The following ACOT7 variants were observed in gnomAD, a reference collection of about 807,000 sequenced individuals.
ACOT7 encodes acyl-CoA thioesterase 7.
A neutral mutation model predicts 40.2 loss-of-function variants in ACOT7; 12 were observed. That is an observed-to-expected ratio of 0.30 (90% confidence interval 0.19 to 0.48). ACOT7 has a LOEUF of 0.48. Among genes scored for constraint, ACOT7 ranks in the 20% least tolerant of loss-of-function variants. ACOT7 has a pLI of 0.99. For synonymous variants in ACOT7, 228 were observed against 219.5 expected (o/e 1.04, Z -0.34); for missense variants, 395 against 530.8 (o/e 0.74, Z 2.51).
intron 1 of ACOT7, among the ~76,000 whole-genome samples, chr1:6,385,322 G>A (rs1426808437): frequency 6.6e-6 from 1 of 151,816 alleles, no homozygotes; most frequent in Admixed American, 6.6e-5. Flanking sequence ...TCTCCACTGA[G>A]GGTGGCCACT....
In ACOT7 at chr1:6,358,856, A is replaced by T. The variant is rs761155372; in HGVS notation, c.144-8990T>A. On this transcript the variant is annotated intron_variant, in intron 1 of 8. Coordinates refer to ENST00000361521, the MANE Select transcript of ACOT7 (RefSeq NM_007274.4). The surrounding 1 kb of genome is among the most constrained non-coding windows in gnomAD (Gnocchi z 4.1). ...CAGCTGGAAAGCCATGGTGGCTAGG[A>T]CATCCCAGGATCAGATGCAGAGAAA... 2 of 1,613,838 alleles carry T rather than the reference A, an allele frequency of 1.2e-6. No individual in the cohort carries two copies. The highest frequency in any genetic ancestry group is 4.5e-5 in the East Asian group (2 of 44,868).
At chr1:6,336,680 C>G (rs1017213206) in intron 3 of ACOT7, among the ~76,000 whole-genome samples, 1 of 152,208 alleles carries the variant, frequency 6.6e-6, no homozygotes, top group African/African-American at 2.4e-5. Flanking sequence ...CTGCAATACC[C>G]CTATCTTTCA....
chr1:6,385,637 G>C (rs1235967185), intron 1 of ACOT7: 1 of 1,612,198 alleles, frequency 6.2e-7, no homozygotes, highest in African/African-American at 1.3e-5. Context: ...CAAACTCACA[G>C]AGCCGGAGAG....
chr1:6,307,298 C>T (rs1290071102), intron 6 of ACOT7, among the ~76,000 whole-genome samples: 7 of 152,238 alleles, frequency 4.6e-5, no homozygotes, highest in Non-Finnish European at 7.3e-5. Flanking sequence ...GGGCTGACTG[C>T]GCGGCACCAG....
intron 5 of ACOT7, among the ~76,000 whole-genome samples, chr1:6,320,267 AC>A (rs1397289828): frequency 2.0e-5 from 3 of 152,130 alleles, no homozygotes; most frequent in Non-Finnish European, 2.9e-5. Context: ...GGCTGTGTAA[AC>A]CTCGCCCACT....
rs984562706 is a variant in ACOT7 at position 6,288,497 on chromosome 1, G to A, written c.829+6367C>T. On this transcript the variant is annotated intron_variant, in intron 7 of 8. Coordinates refer to ENST00000361521, the MANE Select transcript of ACOT7 (RefSeq NM_007274.4). This position sits in a 1 kb window ranked among gnomAD's most constrained non-coding sequence, Gnocchi z 4.3. ...GCAGACCTGAAGTGCCAGCTGGAGG[G>A]GCTCAAGCTGAATGTGGCATGTCAC... Among the ~76,000 whole-genome samples the A allele has an allele frequency of 2.0e-5, 3 of 152,182 alleles. No individual in the cohort carries two copies. The highest frequency in any genetic ancestry group is 2.9e-5 in the Non-Finnish European group (2 of 68,028).
chr1:6,391,087 G>A (rs1642525338), intron 1 of ACOT7, among the ~76,000 whole-genome samples: 1 of 152,078 alleles, frequency 6.6e-6, no homozygotes, highest in Non-Finnish European at 1.5e-5. Flanking sequence ...CCTGAGGTCA[G>A]GAGTTCAAGA....
intron 7 of ACOT7, among the ~76,000 whole-genome samples, chr1:6,292,814 TG>T (rs1412209468): frequency 6.6e-6 from 1 of 151,792 alleles, no homozygotes; most frequent in Non-Finnish European, 1.5e-5. Context: ...CCCAAGTAGC[TG>T]GGTTTACAGG....
chr1:6,328,310 T>C (rs1201547803), intron 4 of ACOT7, among the ~76,000 whole-genome samples: 1 of 152,052 alleles, frequency 6.6e-6, no homozygotes, highest in Admixed American at 6.6e-5. Context: ...CTCCCACGGC[T>C]CTCCAAATGA....
chr1:6,352,900 A>G lies in ACOT7; in HGVS notation c.144-3034T>C, dbSNP rs530852749. On this transcript the variant is annotated intron_variant, in intron 1 of 8. Coordinates refer to ENST00000361521, the MANE Select transcript of ACOT7 (RefSeq NM_007274.4). This position sits in a 1 kb window ranked among gnomAD's most constrained non-coding sequence, Gnocchi z 4.5. ...TTTACTATTTTGTTTGTTTTTTGAG[A>G]CAGCGTCTCATTCTGTCACCCAGGC... 1.2e-3 allele frequency among the ~76,000 whole-genome samples: 183 copies of G among 151,602 alleles called. 1 individual carries two copies. The highest frequency in any genetic ancestry group is 4.2e-3 in the African/African-American group (173 of 41,278).
At chr1:6,354,840 C>G (rs1243708330) in intron 1 of ACOT7, among the ~76,000 whole-genome samples, 1 of 145,812 alleles carries the variant, frequency 6.9e-6, no homozygotes, top group East Asian at 2.0e-4. Flanking sequence ...CTTGTTCCCC[C>G]CATGGCCTCT....
intron 8 of ACOT7, among the ~76,000 whole-genome samples, chr1:6,276,185 C>A (rs1639183503): frequency 6.6e-6 from 1 of 152,164 alleles, no homozygotes; most frequent in Non-Finnish European, 1.5e-5. Flanking sequence ...CCCACGCCTG[C>A]AAGAATCAGA....
chr1:6,350,364 C>G (rs915206585), intron 1 of ACOT7, among the ~76,000 whole-genome samples: 3 of 152,208 alleles, frequency 2.0e-5, no homozygotes, highest in Non-Finnish European at 1.5e-5. Context: ...CAGGCCCTGT[C>G]AGCAGGTGAG....
At chr1:6,312,392 T>C (rs72854384) in intron 6 of ACOT7, among the ~76,000 whole-genome samples, 15,113 of 152,066 alleles carry the variant, frequency 0.099, 1,950 homozygotes, top group African/African-American at 0.3. Context: ...AATGGATACC[T>C]CATTCCCCAT....
At chr1:6,269,317 G>A (rs1310190965) in intron 8 of ACOT7, among the ~76,000 whole-genome samples, 1 of 152,222 alleles carries the variant, frequency 6.6e-6, no homozygotes, top group Non-Finnish European at 1.5e-5. Context: ...GATGAACCAG[G>A]GTCAGGGGCT....
intron 8 of ACOT7, among the ~76,000 whole-genome samples, chr1:6,270,896 C>T (rs541627620): frequency 1.5e-4 from 23 of 152,280 alleles, no homozygotes; most frequent in South Asian, 6.2e-4. Context: ...CTTAACGCAG[C>T]GGGCCCTTTA....
chr1:6,369,654 C>A (rs1642091321), intron 1 of ACOT7, among the ~76,000 whole-genome samples: 1 of 152,098 alleles, frequency 6.6e-6, no homozygotes, highest in Non-Finnish European at 1.5e-5. Context: ...TCTCAGCTCA[C>A]TGCAAGCTCC....
intron 3 of ACOT7, among the ~76,000 whole-genome samples, chr1:6,337,997 T>A: frequency 2.2e-5 from 2 of 91,110 alleles, no homozygotes; most frequent in African/African-American, 1.1e-4. Context: ...TGAGACACCA[T>A]CTCAAAAAAA....
At chr1:6,382,686 C>T (rs996181629) in intron 1 of ACOT7, among the ~76,000 whole-genome samples, 1 of 150,760 alleles carries the variant, frequency 6.6e-6, no homozygotes, top group Non-Finnish European at 1.5e-5. Context: ...TATGGTAGCA[C>T]ATGCCTGTGG....
Sources: gnomAD v4.1 joint callset for allele counts (sites outside exome capture counted in the v4.1 genomes callset) on GRCh38, gnomAD v4.1.1 for gene constraint, Gnocchi (gnomAD v3.1) non-coding constraint, MANE v1.5 for transcripts, NCBI Gene and HGNC (gene_info 2026-07-23, HGNC 2026-07-21) for gene names.